Variants in SSBP3 observed in about 807,000 individuals in gnomAD.
SSBP3 encodes single-stranded DNA-binding protein 3.
A neutral mutation model predicts 69.6 loss-of-function variants in SSBP3; 5 were observed. That is an observed-to-expected ratio of 0.07 (90% confidence interval 0.04 to 0.15). The LOEUF (loss-of-function observed/expected upper bound fraction) is 0.15. Ranked by LOEUF, SSBP3 falls within the 10% of genes least tolerant of loss-of-function variation. The pLI, the probability that SSBP3 is intolerant of heterozygous loss-of-function variation, is 1.00. For synonymous variants in SSBP3, 196 were observed against 193.4 expected (o/e 1.01, Z -0.11); for missense variants, 312 against 534.0 (o/e 0.58, Z 4.10).
At position 54,344,057 on chromosome 1, in the gene SSBP3, G is replaced by C. The variant is rs182181003; in HGVS notation, c.276+57804C>G. ...ACCTGGCAACTGAGGTAGCACCTGG[G>C]GGTGCGGGGCATGATGGCCAAGAGG... is the stretch of plus-strand genomic sequence containing the variant. On this transcript the variant is annotated intron_variant, in intron 4 of 17. Transcript: ENST00000610401. Among the ~76,000 whole-genome samples, 436 of 152,278 alleles carry C rather than the reference G, an allele frequency of 2.9e-3. 2 individuals are homozygous for C. The highest frequency in any genetic ancestry group is 5.4e-3 in the Non-Finnish European group (369 of 68,028).
chr1:54,379,053 T>C (rs1647415948), intron 4 of SSBP3, among the ~76,000 whole-genome samples: 1 of 151,890 alleles, frequency 6.6e-6, no homozygotes, highest in African/African-American at 2.4e-5. Flanking sequence ...CACTTGTTCA[T>C]AGTCAGCCAG....
chr1:54,331,821 A>G (rs1646415869), intron 4 of SSBP3, among the ~76,000 whole-genome samples: 1 of 152,364 alleles, frequency 6.6e-6, no homozygotes, highest in South Asian at 2.1e-4. Flanking sequence ...GCCAGCACCC[A>G]CAGCCAAGGC....
chr1:54,284,924 C>T (rs75784838), intron 4 of SSBP3, among the ~76,000 whole-genome samples: 469 of 152,218 alleles, frequency 3.1e-3, no homozygotes, highest in African/African-American at 0.01. Flanking sequence ...TTGAATGCAA[C>T]GGCCAGGGTC....
intron 14 of SSBP3, among the ~76,000 whole-genome samples, chr1:54,231,516 T>C (rs1644378769): frequency 6.6e-6 from 1 of 152,226 alleles, no homozygotes; most frequent in African/African-American, 2.4e-5. Context: ...CAAATCTTAA[T>C]CTCCGATGAA....
chr1:54,311,317 G>A (rs993424403), intron 4 of SSBP3, among the ~76,000 whole-genome samples: 4 of 152,102 alleles, frequency 2.6e-5, no homozygotes, highest in Admixed American at 1.3e-4. Flanking sequence ...TCCCTGCTTC[G>A]GAACAGAAGC....
At chr1:54,245,765 G>T (rs1644724332) in intron 9 of SSBP3, among the ~76,000 whole-genome samples, 1 of 152,246 alleles carries the variant, frequency 6.6e-6, no homozygotes, top group African/African-American at 2.4e-5. Context: ...CTCTACCACA[G>T]GGTGAAGAGC....
chr1:54,252,610 G>A (rs1283753242), intron 7 of SSBP3, among the ~76,000 whole-genome samples: 4 of 152,230 alleles, frequency 2.6e-5, no homozygotes, highest in African/African-American at 4.8e-5. Flanking sequence ...TGGGGCCATC[G>A]GCGGTGCTGG....
At chr1:54,327,921 C>T (rs767054510) in intron 4 of SSBP3, among the ~76,000 whole-genome samples, 3 of 152,180 alleles carry the variant, frequency 2.0e-5, no homozygotes, top group African/African-American at 2.4e-5. Context: ...AGCACATTTA[C>T]ATGCAAACGA....
chr1:54,274,954 T>G (rs1272868078), intron 5 of SSBP3, among the ~76,000 whole-genome samples: 3 of 150,880 alleles, frequency 2.0e-5, no homozygotes, highest in Non-Finnish European at 4.4e-5. Context: ...GCCAATTGCC[T>G]CCTCCTCCTC....
chr1:54,293,827 TA>T, intron 4 of SSBP3, among the ~76,000 whole-genome samples: 1 of 152,258 alleles, frequency 6.6e-6, no homozygotes, highest in African/African-American at 2.4e-5. Context: ...TTTGGATAAA[TA>T]AAATTCTTGC....
intron 4 of SSBP3, among the ~76,000 whole-genome samples, chr1:54,391,622 G>A (rs2100768473): frequency 6.6e-6 from 1 of 152,310 alleles, no homozygotes; most frequent in South Asian, 2.1e-4. Context: ...GCGGCCCCAG[G>A]GAGCAGTTGT....
chr1:54,303,770 T>TG (rs992056395), intron 4 of SSBP3, among the ~76,000 whole-genome samples: 1 of 152,182 alleles, frequency 6.6e-6, no homozygotes, highest in African/African-American at 2.4e-5. Flanking sequence ...AAAGGCAGTT[T>TG]GGGGGAAAAA....
chr1:54,337,099 G>A (rs754229815), intron 4 of SSBP3, among the ~76,000 whole-genome samples: 10 of 152,210 alleles, frequency 6.6e-5, no homozygotes, highest in Non-Finnish European at 1.2e-4. Context: ...CTGCTTCTCT[G>A]GGCTTCCGCT....
rs79879801 is a variant in SSBP3, at chr1:54,246,431, C to T, written c.652-3132G>A. On this transcript the variant is annotated intron_variant, in intron 9 of 17. Transcript: ENST00000610401. Reference sequence around the variant, plus strand: ...TGGAGTTCTTTTCCAGGACTGCAGCCGCCTCTCCCATCCAAGAGAAAGGCC... The same window carrying T: ...TGGAGTTCTTTTCCAGGACTGCAGCTGCCTCTCCCATCCAAGAGAAAGGCC... 7.8e-3 allele frequency among the ~76,000 whole-genome samples: 1,181 copies of T among 152,264 alleles called. 16 individuals carry two copies. The highest frequency in any genetic ancestry group is 0.027 in the African/African-American group (1,106 of 41,556).
intron 4 of SSBP3, among the ~76,000 whole-genome samples, chr1:54,370,649 T>A (rs1647116054): frequency 6.6e-6 from 1 of 152,200 alleles, no homozygotes; most frequent in African/African-American, 2.4e-5. Context: ...GCCCCAGGAC[T>A]GCTAGAGGGT....
At chr1:54,271,628 C>T (rs1645195900) in intron 5 of SSBP3, among the ~76,000 whole-genome samples, 1 of 152,172 alleles carries the variant, frequency 6.6e-6, no homozygotes, top group African/African-American at 2.4e-5. Flanking sequence ...GAGCTGGGTG[C>T]CCTCCCAACC....
chr1:54,285,940 G>GTGTTAGAGGAGATGA (rs1553131570), intron 4 of SSBP3, among the ~76,000 whole-genome samples: 1 of 152,154 alleles, frequency 6.6e-6, no homozygotes, highest in Admixed American at 6.5e-5. Context: ...TCCAATGATG[G>GTGTTAGAGGAGATGA]TGTTAGAGGA....
intron 4 of SSBP3, among the ~76,000 whole-genome samples, chr1:54,364,674 G>A (rs1373351712): frequency 6.6e-6 from 1 of 152,204 alleles, no homozygotes; most frequent in Non-Finnish European, 1.5e-5. Flanking sequence ...AATATCCCAA[G>A]GGCAGCCTAT....
chr1:54,341,944 C>A (rs968137617), intron 4 of SSBP3, among the ~76,000 whole-genome samples: 1 of 152,170 alleles, frequency 6.6e-6, no homozygotes, highest in Non-Finnish European at 1.5e-5. Flanking sequence ...CCAAAAGAAG[C>A]CCAATGTGGC....
Sources: allele counts gnomAD v4.1 joint callset (sites outside exome capture counted in the v4.1 genomes callset), GRCh38; gene constraint gnomAD v4.1.1; transcripts MANE v1.5; gene names NCBI Gene and HGNC (gene_info 2026-07-23, HGNC 2026-07-21).